The following STRN variants were observed in gnomAD, a reference collection of about 807,000 sequenced individuals.
STRN encodes the protein striatin, also known as protein phosphatase 2 regulatory subunit B'''alpha.
A neutral mutation model predicts 96.3 loss-of-function variants in STRN; 53 were observed. That is an observed-to-expected ratio of 0.55 (90% CI 0.44 to 0.69). STRN has a LOEUF of 0.69. Among genes scored for constraint, STRN ranks in the 30% least tolerant of loss-of-function variants. The pLI is 0.00. For synonymous variants in STRN, 428 were observed against 355.9 expected (o/e 1.20, Z -2.28); for missense variants, 987 against 963.9 (o/e 1.02, Z -0.32).
At chr2:36,876,252 C>T (rs949517902) in intron 10 of STRN, among the ~76,000 whole-genome samples, 1 of 146,488 alleles carries the variant, frequency 6.8e-6, no homozygotes, top group Non-Finnish European at 1.5e-5. Context: ...GCCTGGGTGA[C>T]CGAGTGAGAC....
chr2:36,926,472 C>T (rs986083857), intron 1 of STRN, among the ~76,000 whole-genome samples: 1 of 152,188 alleles, frequency 6.6e-6, no homozygotes, highest in Non-Finnish European at 1.5e-5. Flanking sequence ...TGAGCAAGAA[C>T]TTTACATTTA....
At chr2:36,864,457 T>C (rs1300716628) in intron 12 of STRN, among the ~76,000 whole-genome samples, 1 of 152,188 alleles carries the variant, frequency 6.6e-6, no homozygotes. Context: ...TGAACCACAT[T>C]TATTGATTTG....
At chr2:36,866,070 T>G (rs1668614035) in intron 12 of STRN, among the ~76,000 whole-genome samples, 2 of 152,096 alleles carry the variant, frequency 1.3e-5, no homozygotes, top group African/African-American at 4.8e-5. Context: ...TGGTATTGAT[T>G]TCTATTATTT....
chr2:36,879,979 A>AT (rs1358842958), intron 9 of STRN, among the ~76,000 whole-genome samples: 2 of 151,814 alleles, frequency 1.3e-5, no homozygotes, highest in African/African-American at 4.8e-5. Context: ...AAAAAAAAAA[A>AT]AATCTGAGAC....
rs1322039943 is a variant in STRN at position 36,846,069 on chromosome 2, C to T, written c.*3387G>A. On this transcript the variant is annotated 3_prime_UTR_variant, in exon 18 of 18. Transcript: ENST00000263918. ...GGCACCTCTCATTTTCTAGCTATTG[C>T]CTTCTTGATGATATTTGTTTTTGTT... 2 of 136,252 alleles carry T rather than the reference C, an allele frequency of 1.5e-5. No individual in the cohort carries two copies. The highest frequency in any genetic ancestry group is 3.1e-5 in the Non-Finnish European group (2 of 65,452). The allele number at this position is 136,252 out of a possible 1,614,324, so 8.4% of individuals were successfully genotyped here. A position where few individuals can be genotyped will look rare whatever the true frequency, so the allele number is the denominator to read the frequency against.
At chr2:36,853,256 T>C (rs1668264604) in intron 15 of STRN, among the ~76,000 whole-genome samples, 1 of 152,196 alleles carries the variant, frequency 6.6e-6, no homozygotes, top group Non-Finnish European at 1.5e-5. Flanking sequence ...GATGTTTATT[T>C]ATAAAATTCA....
At chr2:36,946,280 TAA>T (rs1558664812) in intron 1 of STRN, among the ~76,000 whole-genome samples, 1 of 151,176 alleles carries the variant, frequency 6.6e-6, no homozygotes, top group African/African-American at 2.4e-5. Flanking sequence ...GAAAGAAAAA[TAA>T]AAGAGAGAAA....
intron 6 of STRN, among the ~76,000 whole-genome samples, chr2:36,896,779 A>G (rs1007858381): frequency 3.3e-5 from 5 of 152,202 alleles, no homozygotes; most frequent in African/African-American, 9.6e-5. Context: ...TAGGCTTCAC[A>G]CAGTTTGAAA....
intron 3 of STRN, among the ~76,000 whole-genome samples, chr2:36,910,906 TA>T (rs2148212080): frequency 6.6e-6 from 1 of 152,094 alleles, no homozygotes; most frequent in South Asian, 2.1e-4. Flanking sequence ...TCTCCTACAG[TA>T]GAAATATGAA....
At chr2:36,871,925 A>T (rs1668771180) in intron 10 of STRN, among the ~76,000 whole-genome samples, 1 of 152,238 alleles carries the variant, frequency 6.6e-6, no homozygotes. Context: ...ATAATAAGAG[A>T]ACATAAAATA....
chr2:36,932,917 T>G (rs1246761708), intron 1 of STRN, among the ~76,000 whole-genome samples: 1 of 152,190 alleles, frequency 6.6e-6, no homozygotes, highest in African/African-American at 2.4e-5. Context: ...TGTACATCAG[T>G]AGGTTTCTTG....
At chr2:36,937,134 G>C (rs914245547) in intron 1 of STRN, among the ~76,000 whole-genome samples, 13 of 151,842 alleles carry the variant, frequency 8.6e-5, no homozygotes, top group South Asian at 2.1e-4. Flanking sequence ...ACCTGAGGTC[G>C]GGAGTTCGAG....
intron 2 of STRN, among the ~76,000 whole-genome samples, chr2:36,917,398 G>T (rs1329519748): frequency 6.6e-6 from 1 of 151,788 alleles, no homozygotes; most frequent in African/African-American, 2.4e-5. Context: ...TGGTGTACCT[G>T]TAATCCCAGT....
intron 9 of STRN, among the ~76,000 whole-genome samples, chr2:36,881,315 A>G (rs572681135): frequency 6.6e-6 from 1 of 152,030 alleles, no homozygotes; most frequent in South Asian, 2.1e-4. Context: ...TTTATTTGAG[A>G]CAGGGTTTTG....
chr2:36,952,016 G>C (rs1176737263), intron 1 of STRN, among the ~76,000 whole-genome samples: 1 of 152,196 alleles, frequency 6.6e-6, no homozygotes, highest in African/African-American at 2.4e-5. Context: ...GCCTGATGAT[G>C]TGAGGTGGAA....
chr2:36,864,001 GA>G (rs1668560121), intron 12 of STRN, among the ~76,000 whole-genome samples: 1 of 152,190 alleles, frequency 6.6e-6, no homozygotes, highest in African/African-American at 2.4e-5. Flanking sequence ...TTCATACATT[GA>G]TTTTATATCC....
At chr2:36,901,701 T>C (rs1669688614) in intron 5 of STRN, among the ~76,000 whole-genome samples, 1 of 152,198 alleles carries the variant, frequency 6.6e-6, no homozygotes, top group South Asian at 2.1e-4. Context: ...TATAAGTTAA[T>C]GTATGTTTTT....
At chr2:36,934,249 A>T (rs1191072271) in intron 1 of STRN, among the ~76,000 whole-genome samples, 1 of 152,244 alleles carries the variant, frequency 6.6e-6, no homozygotes, top group Non-Finnish European at 1.5e-5. Context: ...CCCCATCAAA[A>T]ATCAGTGAAC....
Position 36,869,610 on chromosome 2 carries a change from T to G in STRN, c.1443A>C (p.Ala481=). 6.2e-7 allele frequency: 1 copy of G among 1,610,086 alleles called. No individual in the cohort carries two copies. The highest frequency in any genetic ancestry group is 8.5e-7 in the Non-Finnish European group (1 of 1,177,986). ...ACATTTTTAATGTGTGATCCTCTGA[T>G]GCTGTTATCAAAACAGGCTCAATGG... is the stretch of plus-strand genomic sequence containing the variant. ...FHPIEPVLIT[A]SEDHTLKMWN... The change falls in exon 11 of 18, where the codon GCA becomes GCC. Residue 481 remains alanine (A), a synonymous_variant. Coordinates refer to ENST00000263918, the MANE Select transcript of STRN (RefSeq NM_003162.4).
Sources: allele counts gnomAD v4.1 joint callset (sites outside exome capture counted in the v4.1 genomes callset), GRCh38; gene constraint gnomAD v4.1.1; transcripts MANE v1.5; gene names NCBI Gene and HGNC (gene_info 2026-07-23, HGNC 2026-07-21).